Variants in BAHD1 observed in about 807,000 individuals in gnomAD.
BAHD1 encodes the protein bromo adjacent homology domain-containing 1 protein.
BAHD1 carries 20 observed loss-of-function variants against 63.1 expected under a neutral mutation model. The ratio of observed to expected loss-of-function variants is 0.32; its 90% CI spans 0.22 to 0.46. The LOEUF (loss-of-function observed/expected upper bound fraction) is 0.46. BAHD1 is among the 20% of genes least tolerant of loss of function. BAHD1 has a pLI of 1.00. For missense variants in BAHD1, 939 were observed against 1,071.8 expected (o/e 0.88, Z 1.73); for synonymous variants, 408 against 426.8 (o/e 0.96, Z 0.54).
In BAHD1 at chr15:40,463,869, G is replaced by A. The variant is rs990436832; in HGVS notation, c.1824G>A (p.Pro608=). 23 of 1,614,044 alleles carry A rather than the reference G, an allele frequency of 1.4e-5. No homozygotes were observed. Among genetic ancestry groups the A allele is most frequent in the African/African-American group, 4.0e-5 (3 of 74,924 alleles). The stretch of plus-strand genomic sequence containing the variant: ...ATTGGTTTGTTGCCTAGGATGAGCC[G>A]GAGCCAGCCATCCGAAAGAGCTACC... ...CEKAVYVLDE[P]EPAIRKSYQA... is the part of the protein sequence containing the mutation. Residue 608 remains proline, a synonymous_variant, in exon 4 of 7, where the codon CCG becomes CCA. Transcript: ENST00000416165.
chr15:40,440,050 C>T (rs1478508659), upstream of BAHD1: 2 of 152,460 alleles, frequency 1.3e-5, no homozygotes, highest in Admixed American at 1.3e-4. Context: ...CCGCCCCTTT[C>T]TCCCTCCCCC....
Position 40,458,846 on chromosome 15 carries a change from A to G in BAHD1, c.382A>G (p.Asn128Asp), listed in dbSNP as rs1021114727. ...GGCCTCCCTCAATGCTGAAGCTCTC[A>G]ATAACCTGCTGCTGGAGCGAGAGGA... ...RLASLNAEAL[N>D]NLLLEREDTS... is the part of the protein sequence containing the mutation. The change falls in exon 2 of 7, where the codon AAT becomes GAT. Residue 128 changes from asparagine to aspartate, a missense_variant. Physicochemically the swap from Asn to Asp is conservative, Grantham distance 23. This residue lies in a region of BAHD1 where 797 missense variants were observed against 813.3 expected (regional missense o/e 0.98). Coordinates refer to ENST00000416165, the MANE Select transcript of BAHD1 (RefSeq NM_014952.5). This position sits in a 1 kb window ranked among gnomAD's most constrained non-coding sequence, Gnocchi z 4.7. 2.5e-6 allele frequency: 4 copies of G among 1,611,028 alleles called. 1 individual carries two copies. The highest frequency in any genetic ancestry group is 3.4e-6 in the Non-Finnish European group (4 of 1,178,990).
chr15:40,444,156 T>TGC (rs1382759424), intron 1 of BAHD1, among the ~76,000 whole-genome samples: 1 of 152,122 alleles, frequency 6.6e-6, no homozygotes. Flanking sequence ...TCTTGTACAG[T>TGC]GCTGTGCACA....
upstream of BAHD1, among the ~76,000 whole-genome samples, chr15:40,438,711 C>T (rs1032994429): frequency 6.6e-6 from 1 of 152,192 alleles, no homozygotes; most frequent in African/African-American, 2.4e-5. Flanking sequence ...GACACCCAAT[C>T]CTGCCACCTC....
Position 40,452,434 on chromosome 15 carries a change from G to A in BAHD1, c.-14-6017G>A, listed in dbSNP as rs958570511. On this transcript the variant is annotated intron_variant, in intron 1 of 6. Coordinates refer to ENST00000416165, the MANE Select transcript of BAHD1 (RefSeq NM_014952.5). ...CTCACGTTGTGGGTCTAGCCCTGCC[G>A]TTAGCATCTGAGGAACTTGGCCTTT... Among the ~76,000 whole-genome samples the A allele has an allele frequency of 1.4e-4, 21 of 152,378 alleles. 1 individual carries two copies. Among genetic ancestry groups the A allele is most frequent in the African/African-American group, 4.3e-4 (18 of 41,594 alleles).
chr15:40,441,762 C>T (rs1471615404), intron 1 of BAHD1, among the ~76,000 whole-genome samples: 1 of 150,156 alleles, frequency 6.7e-6, no homozygotes, highest in Non-Finnish European at 1.5e-5. Flanking sequence ...GGCAAGGGGC[C>T]GCGGCCGGGG....
chr15:40,462,133 G>A lies in BAHD1; in HGVS notation c.1654G>A (p.Gly552Ser), dbSNP rs2141541157. The A allele has an allele frequency of 6.2e-7, 1 of 1,612,424 alleles. No homozygotes were observed. The highest frequency in any genetic ancestry group is 8.5e-7 in the Non-Finnish European group (1 of 1,179,992). The part of the protein sequence containing the change: ...PSGSKSGLRT[G>S]SSCRHTARSK... ...CGGTTCTAAGTCAGGTCTGCGCACA[G>A]GCTCCAGCTGCAGGCACACTGCAAG... Residue 552 changes from glycine (G) to serine (S), a missense_variant, in exon 3 of 7, where the codon GGC (glycine) becomes AGC (serine). Around this residue, in one of 5 missense-constraint regions of BAHD1, gnomAD observed 797 missense variants for 813.3 expected, o/e 0.98. Coordinates refer to ENST00000416165, the MANE Select transcript of BAHD1 (RefSeq NM_014952.5).
rs753789745 is a variant in BAHD1, at chr15:40,461,966, C to T, written c.1487C>T (p.Pro496Leu). The T allele has an allele frequency of 6.2e-7, 1 of 1,611,350 alleles. No individual in the cohort carries two copies. Among genetic ancestry groups the T allele is most frequent in the Non-Finnish European group, 8.5e-7 (1 of 1,178,076 alleles). ...LEFPLPEAGH[P>L]ASPAHPLLGC... Reference sequence around the variant, plus strand: ...TTTCCTCTCCCGGAAGCTGGCCACCCAGCCTCACCCGCCCACCCACTCCTG... The same window carrying T: ...TTTCCTCTCCCGGAAGCTGGCCACCTAGCCTCACCCGCCCACCCACTCCTG... The change falls in exon 3 of 7, where the codon CCA (proline) becomes CTA (leucine). Residue 496 changes from proline to leucine, a missense_variant. Pro to Leu is a moderately conservative substitution (Grantham distance 98). Transcript: ENST00000416165.
At chr15:40,438,965 C>A (rs1217390755), upstream of BAHD1, among the ~76,000 whole-genome samples, 1 of 152,216 alleles carries the variant, frequency 6.6e-6, no homozygotes, top group Non-Finnish European at 1.5e-5. Flanking sequence ...CCACCAATCT[C>A]TGACGAGTGG....
In BAHD1 at chr15:40,463,953, A is replaced by T; in HGVS notation, c.1908A>T (p.Ser636=). ...IRVRDTVLLK[S]GPRKTSTPYV... ...TCCGGGACACCGTCCTTCTCAAATC[A>T]GGCCCACGAAAGACCTCCACACCTT... The change falls in exon 4 of 7, where the codon TCA becomes TCT. Residue 636 remains serine, a synonymous_variant. Transcript: ENST00000416165. The T allele has an allele frequency of 6.2e-7, 1 of 1,614,216 alleles. No individual in the cohort carries two copies. The highest frequency in any genetic ancestry group is 8.5e-7 in the Non-Finnish European group (1 of 1,180,036).
rs1176973023 is a variant in BAHD1 at position 40,462,111 on chromosome 15, T to G, written c.1632T>G (p.Gly544=). The G allele has an allele frequency of 1.9e-6, 3 of 1,612,814 alleles. No individual in the cohort carries two copies. The Admixed American group carries it at 5.0e-5, about 27-fold the overall frequency. ...CTCAGAGCGCCAAACCTCCCAGCGG[T>G]TCTAAGTCAGGTCTGCGCACAGGCT... ...ACPQSAKPPS[G]SKSGLRTGSS... The change falls in exon 3 of 7, where the codon GGT becomes GGG. Residue 544 remains glycine, a synonymous_variant. Transcript: ENST00000416165.
upstream of BAHD1, among the ~76,000 whole-genome samples, chr15:40,440,554 G>C (rs995727305): frequency 1.3e-5 from 2 of 150,016 alleles, no homozygotes; most frequent in Non-Finnish European, 3.0e-5. Flanking sequence ...TGGCCAGGGC[G>C]GGGGGAGATA....
At chr15:40,448,868 C>T (rs1893623464) in intron 1 of BAHD1, among the ~76,000 whole-genome samples, 2 of 145,136 alleles carry the variant, frequency 1.4e-5, no homozygotes, top group African/African-American at 5.2e-5. Flanking sequence ...CGGAGGTTCA[C>T]TCTTGTTGCC....
rs1181266969 is a variant in BAHD1 at position 40,464,273 on chromosome 15, G to A, written c.1976-198G>A. 6.1e-6 allele frequency: 4 copies of A among 652,296 alleles called. No individual in the cohort carries two copies. The East Asian group carries it at 1.1e-4, about 18-fold the overall frequency. 40.4% of individuals were successfully genotyped at this position (652,296 alleles called of 1,614,324 possible). Reference sequence around the variant, plus strand: ...ACCTGTCCCCCCACCTCACCTGTCAGTGCCTTCTCCCCCTTCTCCCTCCAT... The same window carrying A: ...ACCTGTCCCCCCACCTCACCTGTCAATGCCTTCTCCCCCTTCTCCCTCCAT... On this transcript the variant is annotated intron_variant, in intron 4 of 6. Transcript: ENST00000416165.
chr15:40,443,252 C>T (rs1043182921), intron 1 of BAHD1: 8 of 985,236 alleles, frequency 8.1e-6, no homozygotes, highest in African/African-American at 1.7e-5. Context: ...GGAGTTTATT[C>T]ATGGCCACCC....
At chr15:40,456,140 AT>A (rs916956220) in intron 1 of BAHD1, among the ~76,000 whole-genome samples, 28 of 148,278 alleles carry the variant, frequency 1.9e-4, no homozygotes, top group East Asian at 1.6e-3. Flanking sequence ...GCCTGGCTAA[AT>A]TTTTTTTTTT....
chr15:40,443,259 A>T (rs1223100125), intron 1 of BAHD1: 1 of 984,324 alleles, frequency 1.0e-6, no homozygotes, highest in African/African-American at 1.8e-5. Flanking sequence ...ATTCATGGCC[A>T]CCCCCCATGG....
chr15:40,459,248 C>G lies in BAHD1; in HGVS notation c.784C>G (p.Gln262Glu). The change falls in exon 2 of 7, where the codon CAG (glutamine) becomes GAG (glutamate). Residue 262 changes from glutamine (Q) to glutamate (E), a missense_variant. Around this residue, in one of 5 missense-constraint regions of BAHD1, gnomAD observed 797 missense variants for 813.3 expected, o/e 0.98. Coordinates refer to ENST00000416165, the MANE Select transcript of BAHD1 (RefSeq NM_014952.5). ...VNGKNYPKAWQGASSGEAAGP... is the reference protein window; with the variant it reads ...VNGKNYPKAWEGASSGEAAGP... ...TGGCAAGAACTATCCCAAGGCTTGG[C>G]AGGGGGCCAGCTCTGGGGAGGCTGC... 6.2e-7 allele frequency: 1 copy of G among 1,612,178 alleles called. No homozygotes were observed.
intron 1 of BAHD1, among the ~76,000 whole-genome samples, chr15:40,452,747 G>A (rs1485525155): frequency 6.6e-6 from 1 of 152,020 alleles, no homozygotes; most frequent in Non-Finnish European, 1.5e-5. Flanking sequence ...GCTCGTGCTG[G>A]TGGGGTTGCT....
Sources: gnomAD v4.1 joint callset for allele counts (sites outside exome capture counted in the v4.1 genomes callset) on GRCh38, gnomAD v4.1.1 for gene constraint, gnomAD v4.1.1 regional missense constraint, Gnocchi (gnomAD v3.1) non-coding constraint, MANE v1.5 for transcripts, NCBI Gene and HGNC (gene_info 2026-07-23, HGNC 2026-07-21) for gene names.